The following ROBO2 variants were observed in gnomAD, a reference collection of about 807,000 sequenced individuals.
ROBO2 encodes roundabout guidance receptor 2.
A neutral mutation model predicts 160.8 loss-of-function variants in ROBO2; 53 were observed. The ratio of observed to expected loss-of-function variants is 0.33; its 90% CI spans 0.26 to 0.41. The LOEUF (loss-of-function observed/expected upper bound fraction) is 0.41, where lower values mean the gene tolerates loss of function less well. ROBO2 is among the 10% of genes least tolerant of loss of function. The pLI is 1.00. For missense variants in ROBO2, 1,577 were observed against 1,722.4 expected, an observed-to-expected ratio of 0.92 and a Z score of 1.49; for synonymous variants, 664 against 611.7, an observed-to-expected ratio of 1.09 and a Z score of -1.26.
chr3:76,814,530 C>T (rs919386902), intron 2 of ROBO2, among the ~76,000 whole-genome samples: 8 of 152,030 alleles, frequency 5.3e-5, no homozygotes, highest in African/African-American at 1.4e-4. Context: ...AGCAGCTAAA[C>T]GTGGTTTGTG....
chr3:76,332,049 A>C (rs1559778016), intron 2 of ROBO2, among the ~76,000 whole-genome samples: 1 of 152,202 alleles, frequency 6.6e-6, no homozygotes, highest in Non-Finnish European at 1.5e-5. Flanking sequence ...GAACCAGGAA[A>C]ACATTTGAGA....
chr3:76,296,557 T>G (rs948104384), intron 2 of ROBO2, among the ~76,000 whole-genome samples: 1 of 150,362 alleles, frequency 6.7e-6, no homozygotes. Flanking sequence ...ACCTTCCCCT[T>G]TCTCCCTATG....
intron 1 of ROBO2, among the ~76,000 whole-genome samples, chr3:75,911,594 G>T (rs1453465061): frequency 9.2e-6 from 1 of 108,666 alleles, no homozygotes; most frequent in African/African-American, 3.7e-5. Flanking sequence ...GTTTCGCTCT[G>T]TCGCCCAGGC....
chr3:76,923,666 T>C (rs889850911), intron 2 of ROBO2, among the ~76,000 whole-genome samples: 36 of 152,220 alleles, frequency 2.4e-4, no homozygotes, highest in African/African-American at 7.7e-4. Context: ...GTAATCGTTC[T>C]GTTCTGCAAA....
chr3:77,018,758 C>T (rs2062439095), intron 2 of ROBO2, among the ~76,000 whole-genome samples: 1 of 152,010 alleles, frequency 6.6e-6, no homozygotes, highest in Admixed American at 6.6e-5. Context: ...AAGCCAGTCA[C>T]AAAAAAGACA....
chr3:76,672,356 T>A lies in ROBO2; in HGVS notation c.110-425658T>A, dbSNP rs77119987. Among the ~76,000 whole-genome samples the A allele has an allele frequency of 2.4e-3, 369 of 152,270 alleles. 1 individual carries two copies. Among genetic ancestry groups the A allele is most frequent in the African/African-American group, 8.3e-3 (344 of 41,550 alleles). ...ACTTCATGTCCTAGTGACACTTAGCTATAAGTCATACTAGACAATATCTTT... is the reference window on the plus strand; with the variant it reads ...ACTTCATGTCCTAGTGACACTTAGCAATAAGTCATACTAGACAATATCTTT... On this transcript the variant is annotated intron_variant, in intron 2 of 26. Coordinates refer to the ROBO2 transcript ENST00000487694.
chr3:76,521,625 C>A (rs1332226497), intron 2 of ROBO2, among the ~76,000 whole-genome samples: 2 of 152,122 alleles, frequency 1.3e-5, no homozygotes, highest in Non-Finnish European at 2.9e-5. Context: ...CTATATTGTT[C>A]TGTTAAATAT....
intron 2 of ROBO2, among the ~76,000 whole-genome samples, chr3:76,195,004 A>T (rs1368849591): frequency 6.6e-6 from 1 of 151,984 alleles, no homozygotes; most frequent in Non-Finnish European, 1.5e-5. Flanking sequence ...AGTTCAATCT[A>T]TTATCAGTTT....
intron 2 of ROBO2, among the ~76,000 whole-genome samples, chr3:76,308,081 G>T (rs1255921602): frequency 6.6e-6 from 1 of 152,062 alleles, no homozygotes; most frequent in Non-Finnish European, 1.5e-5. Flanking sequence ...ATGCAGGAAA[G>T]AATTATCCCT....
At chr3:76,933,210 AT>A (rs2077468392) in intron 2 of ROBO2, among the ~76,000 whole-genome samples, 8 of 152,208 alleles carry the variant, frequency 5.3e-5, no homozygotes. Context: ...ATTGCCAAAA[AT>A]ATGTTAATCT....
At position 76,724,887 on chromosome 3, in the gene ROBO2, C is replaced by T. The variant is rs556021916; in HGVS notation, c.110-373127C>T. ...GAGAGGCAGGGGAGGATTCCATAGG[C>T]GCAGAAAAGAAGTCAGTGTGACCAC... On this transcript the variant is annotated intron_variant, in intron 2 of 26. Transcript: ENST00000487694. 3.3e-5 allele frequency among the ~76,000 whole-genome samples: 5 copies of T among 152,160 alleles called. No individual in the cohort carries two copies. The South Asian group carries it at 1.0e-3, about 32-fold the overall frequency.
At chr3:77,413,438 C>T (rs1581748538) in intron 2 of ROBO2, among the ~76,000 whole-genome samples, 1 of 152,182 alleles carries the variant, frequency 6.6e-6, no homozygotes, top group South Asian at 2.1e-4. Flanking sequence ...CATGGAGTCT[C>T]TTTGGGAACT....
At chr3:76,001,066 T>TGTTTGTA (rs2065873762) in intron 2 of ROBO2, among the ~76,000 whole-genome samples, 1 of 152,216 alleles carries the variant, frequency 6.6e-6, no homozygotes, top group South Asian at 2.1e-4. Context: ...GTATGTTGTT[T>TGTTTGTA]GTTTGTATAT....
chr3:76,181,838 T>A (rs1165896829), intron 2 of ROBO2, among the ~76,000 whole-genome samples: 4 of 151,920 alleles, frequency 2.6e-5, no homozygotes, highest in Admixed American at 1.3e-4. Flanking sequence ...GTAGAGGGAG[T>A]ATGTTCAACT....
At chr3:77,388,279 T>A (rs1276751754) in intron 2 of ROBO2, among the ~76,000 whole-genome samples, 1 of 152,178 alleles carries the variant, frequency 6.6e-6, no homozygotes, top group East Asian at 1.9e-4. Context: ...CCAGGCATGG[T>A]GGCTCACACC....
chr3:77,575,398 A>G (rs1268634863), intron 14 of ROBO2, among the ~76,000 whole-genome samples: 1 of 152,136 alleles, frequency 6.6e-6, no homozygotes, highest in Non-Finnish European at 1.5e-5. Flanking sequence ...AAATCCCTCC[A>G]TTCTGCTTTT....
chr3:76,799,557 AG>A (rs2108835076), intron 2 of ROBO2, among the ~76,000 whole-genome samples: 1 of 152,182 alleles, frequency 6.6e-6, no homozygotes, highest in South Asian at 2.1e-4. Flanking sequence ...TACAAAAATC[AG>A]TAACATTTTT....
chr3:77,483,452 A>T (rs985578196), intron 4 of ROBO2, among the ~76,000 whole-genome samples: 4 of 151,568 alleles, frequency 2.6e-5, no homozygotes, highest in Admixed American at 2.0e-4. Flanking sequence ...TTCCAATACA[A>T]CTCTTTATAT....
chr3:77,115,786 G>T (rs1342413366), intron 2 of ROBO2, among the ~76,000 whole-genome samples: 1 of 152,150 alleles, frequency 6.6e-6, no homozygotes, highest in Non-Finnish European at 1.5e-5. Context: ...ATTTGTTTGT[G>T]ATTATCAGTC....
Sources: allele counts gnomAD v4.1 joint callset (sites outside exome capture counted in the v4.1 genomes callset), GRCh38; gene constraint gnomAD v4.1.1; transcripts MANE v1.5; gene names NCBI Gene and HGNC (gene_info 2026-07-23, HGNC 2026-07-21).